Variants in MYOM3 observed in about 807,000 individuals in gnomAD.
MYOM3 encodes the protein myomesin 3.
A neutral mutation model predicts 191.7 loss-of-function variants in MYOM3; 155 were observed. That is an observed-to-expected ratio of 0.81 (90% CI 0.71 to 0.92). The LOEUF is 0.92. MYOM3 is among the 40% of genes least tolerant of loss of function. The probability of loss-of-function intolerance (pLI) is 0.00; values close to 1 mark genes in which losing one functional copy is unlikely to be tolerated. For missense variants in MYOM3, 1,889 were observed against 1,890.6 expected (o/e 1.00, Z 0.02); for synonymous variants, 757 against 762.9 (o/e 0.99, Z 0.13).
At chr1:24,080,271 C>G (rs1231191315) in intron 19 of MYOM3, 77 bp from the exon 20 acceptor site, 1 of 1,195,056 alleles carries the variant, frequency 8.4e-7, no homozygotes, top group Middle Eastern at 2.3e-4. Flanking sequence ...GCAAGCCCAG[C>G]AGTCAGTCAA....
At chr1:24,085,919 G>T (rs1184327767) in intron 15 of MYOM3, among the ~76,000 whole-genome samples, 1 of 152,176 alleles carries the variant, frequency 6.6e-6, no homozygotes, top group East Asian at 1.9e-4. Context: ...TTCCCCAAAT[G>T]GGACCTTCAG....
chr1:24,097,801 T>G (rs1643886404), intron 7 of MYOM3, 122 bp downstream of exon 7: 2 of 762,362 alleles, frequency 2.6e-6, no homozygotes. Context: ...GGTCACCCAA[T>G]GCCAGGCTGA....
Position 24,097,994 on chromosome 1 carries a change from G to A in MYOM3, c.674C>T (p.Ser225Leu). The A allele has an allele frequency of 6.2e-7, 1 of 1,612,810 alleles. No individual in the cohort carries two copies. The highest frequency in any genetic ancestry group is 8.5e-7 in the Non-Finnish European group (1 of 1,178,770). Residue 225 changes from serine (S) to leucine (L), a missense_variant, in exon 7 of 37, where the codon TCA becomes TTA. By Grantham distance (145) the Ser-to-Leu change is moderately radical (BLOSUM62 -2). Coordinates refer to ENST00000374434, the MANE Select transcript of MYOM3 (RefSeq NM_152372.4). ...LEIRRCAIED[S>L]ATYTVRVKNA... ...CTTCACTCGCACAGTGTAAGTTGCT[G>A]AGTCCTCAATGGCGCATCTGAAAAG...
At chr1:24,109,594 A>G (rs1033390284) in intron 1 of MYOM3, among the ~76,000 whole-genome samples, 2 of 152,232 alleles carry the variant, frequency 1.3e-5, no homozygotes, top group African/African-American at 4.8e-5. Context: ...CTGTAAGTGA[A>G]TTAAAAGTAA....
chr1:24,092,242 G>A lies in MYOM3; in HGVS notation c.1164C>T (p.Cys388=). The A allele has an allele frequency of 1.4e-6, 2 of 1,430,938 alleles. No homozygotes were observed. The highest frequency in any genetic ancestry group is 1.8e-6 in the Non-Finnish European group (2 of 1,083,294). The allele number at this position is 1,430,938 out of a possible 1,614,324, so 88.6% of individuals were successfully genotyped here. ...NVRCLDVNRD[C]LILTWAPPSD... ...TGGGCGGGGCCCAAGTCAGGATGAG[G>A]CAGTCTCTGTTCACATCCAGGCATC... is the stretch of plus-strand genomic sequence containing the variant. The change falls in exon 11 of 37, where the codon TGC becomes TGT. Residue 388 remains cysteine, a synonymous_variant. Coordinates refer to ENST00000374434, the MANE Select transcript of MYOM3 (RefSeq NM_152372.4).
Position 24,082,163 on chromosome 1 carries a change from A to C in MYOM3, c.2118T>G (p.Phe706Leu), listed in dbSNP as rs896930901. ...ALATPSAPYG[F>L]ALLNCGKNEM... ...CATTCTTCCCGCAGTTCAGGAGGGC[A>C]AAGCCATATGGGGCAGACGGGGTAG... The change falls in exon 18 of 37, where the codon TTT becomes TTG. Residue 706 changes from phenylalanine (F) to leucine (L), a missense_variant. By Grantham distance (22) the Phe-to-Leu change is conservative. Transcript: ENST00000374434. 2 of 1,612,894 alleles carry C rather than the reference A, an allele frequency of 1.2e-6. No homozygotes were observed. The highest frequency in any genetic ancestry group is 1.7e-6 in the Non-Finnish European group (2 of 1,179,492).
Position 24,057,238 on chromosome 1 carries a change from T to A in MYOM3, c.*126A>T. 8.7e-6 allele frequency: 8 copies of A among 914,938 alleles called. No homozygotes were observed. Among genetic ancestry groups the A allele is most frequent in the South Asian group, 1.8e-5 (1 of 57,014 alleles). The allele number at this position is 914,938 out of a possible 1,614,324, so 56.7% of individuals were successfully genotyped here. ...CCGCTCCACCCCCACCCTCACATCC[T>A]GGGTTCTATCTTGTCCCCTTTCCTT... On this transcript the variant is annotated 3_prime_UTR_variant, in exon 37 of 37. Coordinates refer to ENST00000374434, the MANE Select transcript of MYOM3 (RefSeq NM_152372.4).
At chr1:24,099,510 T>TG (rs1643896593) in intron 6 of MYOM3, among the ~76,000 whole-genome samples, 170 bp downstream of exon 6, 1 of 74,198 alleles carries the variant, frequency 1.3e-5, no homozygotes, top group East Asian at 4.5e-4. Context: ...TCTCTGGGGG[T>TG]GGGGGGAGGG....
rs752985918 is a variant in MYOM3 at position 24,086,730 on chromosome 1, T to C, written c.1712A>G (p.Tyr571Cys). The C allele has an allele frequency of 1.2e-6, 2 of 1,614,136 alleles. No individual in the cohort carries two copies. The highest frequency in any genetic ancestry group is 1.7e-5 in the Admixed American group (1 of 60,020). Reference protein sequence around the residue: ...AVLDLEKKKSYVFRVRAMNQY... With the variant: ...AVLDLEKKKSCVFRVRAMNQY... ...GTTCATTGCTCGCACTCTGAAGACATACGACTTCTTTTTCTCCAGGTCCAG... is the reference window on the plus strand; with the variant it reads ...GTTCATTGCTCGCACTCTGAAGACACACGACTTCTTTTTCTCCAGGTCCAG... The change falls in exon 15 of 37, where the codon TAT becomes TGT. Residue 571 changes from tyrosine (Y) to cysteine (C), a missense_variant. Tyr to Cys is a radical substitution (Grantham distance 194). Transcript: ENST00000374434.
intron 19 of MYOM3, 125 bp from the exon 20 acceptor site, chr1:24,080,319 A>G: frequency 1.3e-6 from 1 of 764,932 alleles, no homozygotes; most frequent in South Asian, 2.0e-5. Context: ...CAAGCCAGGA[A>G]GGGCCTGTTC....
chr1:24,106,140 A>G (rs1362066781), intron 4 of MYOM3, 63 bp from the exon 5 acceptor site: 8 of 1,506,454 alleles, frequency 5.3e-6, no homozygotes, highest in Non-Finnish European at 6.2e-6. Flanking sequence ...CATCTTTGCC[A>G]TTACCTCCCC....
intron 12 of MYOM3, among the ~76,000 whole-genome samples, chr1:24,090,466 G>A (rs1003921897): frequency 2.0e-5 from 3 of 152,200 alleles, no homozygotes; most frequent in Admixed American, 6.5e-5. Flanking sequence ...CCCCGCACTC[G>A]AGCTTAAGGA....
chr1:24,073,861 TAAA>T (rs55682709), intron 23 of MYOM3, among the ~76,000 whole-genome samples: 1,462 of 81,476 alleles, frequency 0.018, 7 homozygotes, highest in Middle Eastern at 0.036. Context: ...AGACTCCGTC[TAAA>T]AAAAAAAAAA....
At chr1:24,073,680 C>G (rs529938490) in intron 23 of MYOM3, among the ~76,000 whole-genome samples, 2 of 151,826 alleles carry the variant, frequency 1.3e-5, no homozygotes, top group African/African-American at 4.8e-5. Flanking sequence ...CTGGCTAATA[C>G]GGTGAAACCC....
rs1643687248 is a variant in MYOM3 at position 24,082,651 on chromosome 1, C to A, written c.2034G>T (p.Glu678Asp). 3 of 1,612,912 alleles carry A rather than the reference C, an allele frequency of 1.9e-6. No individual in the cohort carries two copies. Among genetic ancestry groups the A allele is most frequent in the Non-Finnish European group, 2.5e-6 (3 of 1,179,578 alleles). Residue 678 changes from glutamate to aspartate, a missense_variant, in exon 17 of 37, where the codon GAG (glutamate) becomes GAT (aspartate). Coordinates refer to ENST00000374434, the MANE Select transcript of MYOM3 (RefSeq NM_152372.4). ...EYEFCVRSVSEAGVGESSAAT... is the reference protein window; with the variant it reads ...EYEFCVRSVSDAGVGESSAAT... ...CGGCTGAGCTCTCGCCTACCCCAGC[C>A]TCGCTGACTGACCTGACACAAAACT...
At chr1:24,108,121 G>A in intron 2 of MYOM3, 48 bp from the exon 3 acceptor site, 1 of 1,576,724 alleles carries the variant, frequency 6.3e-7, no homozygotes, top group South Asian at 1.1e-5. Context: ...GATTGGCTGG[G>A]GGCTCCCTGA....
At position 24,084,642 on chromosome 1, in the gene MYOM3, A is replaced by G. The variant is rs753785570; in HGVS notation, c.1799-3T>C. On this transcript the variant is annotated splice_region_variant and splice_polypyrimidine_tract_variant and intron_variant, in intron 15 of 36. Transcript: ENST00000374434. ...TTGAGCTGGAGGAGGGAGGGTAGCT[A>G]AAAAATAGAAACATGGGCTGAATGA... 6.8e-6 allele frequency: 11 copies of G among 1,607,154 alleles called. No homozygotes were observed. Among genetic ancestry groups the G allele is most frequent in the Non-Finnish European group, 8.5e-6 (10 of 1,176,806 alleles).
intron 4 of MYOM3, among the ~76,000 whole-genome samples, chr1:24,106,553 T>A (rs1165488645): frequency 6.6e-6 from 1 of 152,154 alleles, no homozygotes; most frequent in East Asian, 1.9e-4. Context: ...CACTGAGAAT[T>A]TTTACAATGA....
intron 3 of MYOM3, 38 bp downstream of exon 3, chr1:24,107,955 C>T (rs879226341): frequency 6.3e-7 from 1 of 1,586,974 alleles, no homozygotes; most frequent in Non-Finnish European, 8.6e-7. Flanking sequence ...GATGGCCCCT[C>T]CTCAGCCACG....
Sources: allele counts gnomAD v4.1 joint callset (sites outside exome capture counted in the v4.1 genomes callset), GRCh38; gene constraint gnomAD v4.1.1; transcripts MANE v1.5; gene names NCBI Gene and HGNC (gene_info 2026-07-23, HGNC 2026-07-21).